TRAPPC9: variants seen among roughly 807,000 people sequenced by gnomAD.
TRAPPC9 encodes the protein IKK2 binding protein.
In TRAPPC9, 83 loss-of-function variants were observed where a neutral mutation model predicts 124.0. The observed-to-expected ratio is 0.67, with a 90% CI of 0.56 to 0.80. TRAPPC9 has a LOEUF of 0.80. TRAPPC9 is among the 30% of genes least tolerant of loss of function. The pLI is 0.00. For synonymous variants in TRAPPC9, 638 were observed against 617.5 expected (o/e 1.03, Z -0.49); for missense variants, 1,302 against 1,508.3 (o/e 0.86, Z 2.27).
intron 8 of TRAPPC9, among the ~76,000 whole-genome samples, chr8:140,367,616 G>T (rs1335471365): frequency 6.6e-6 from 1 of 152,128 alleles, no homozygotes; most frequent in Non-Finnish European, 1.5e-5. Flanking sequence ...GATCTTCACG[G>T]CAGGGAAACT....
intron 19 of TRAPPC9, among the ~76,000 whole-genome samples, chr8:139,955,865 G>A (rs188530982): frequency 1.3e-5 from 2 of 152,286 alleles, no homozygotes; most frequent in Admixed American, 6.5e-5. Context: ...GCTCTGCAGC[G>A]CTTCTGTGAT....
intron 7 of TRAPPC9, among the ~76,000 whole-genome samples, chr8:140,394,309 T>A (rs1388860053): frequency 6.6e-6 from 1 of 152,200 alleles, no homozygotes; most frequent in African/African-American, 2.4e-5. Flanking sequence ...CACCCTCCAC[T>A]GTCACAAAAG....
intron 15 of TRAPPC9, among the ~76,000 whole-genome samples, chr8:140,265,017 G>C (rs566237362): frequency 6.6e-6 from 1 of 152,146 alleles, no homozygotes; most frequent in African/African-American, 2.4e-5. Flanking sequence ...CCGTGTTCTC[G>C]TCATCACGCC....
intron 19 of TRAPPC9, 124 bp downstream of exon 19, chr8:139,988,602 C>T (rs981656406): frequency 4.2e-6 from 3 of 713,078 alleles, no homozygotes; most frequent in African/African-American, 1.7e-5. Flanking sequence ...TACGGTATCT[C>T]TGAAAGGGAG....
At chr8:139,774,503 A>C (rs1481630003) in intron 21 of TRAPPC9, among the ~76,000 whole-genome samples, 1 of 152,048 alleles carries the variant, frequency 6.6e-6, no homozygotes, top group African/African-American at 2.4e-5. Context: ...TTCACTGTCC[A>C]CTCACAAGCA....
At chr8:140,179,017 G>A (rs2062138393) in intron 17 of TRAPPC9, among the ~76,000 whole-genome samples, 1 of 152,026 alleles carries the variant, frequency 6.6e-6, no homozygotes, top group Admixed American at 6.6e-5. Flanking sequence ...CTGGCTAGAG[G>A]TGCATGCATT....
chr8:140,406,152 T>C (rs754411366), intron 5 of TRAPPC9, among the ~76,000 whole-genome samples: 1 of 152,158 alleles, frequency 6.6e-6, no homozygotes, highest in African/African-American at 2.4e-5. Flanking sequence ...ATGCTTTCTA[T>C]GCCTTTTTCT....
chr8:140,022,816 A>G (rs894400176), intron 18 of TRAPPC9, among the ~76,000 whole-genome samples: 16 of 152,236 alleles, frequency 1.1e-4, no homozygotes, highest in Admixed American at 8.5e-4. Flanking sequence ...AAGGTGACAG[A>G]TGATGAAATG....
At chr8:140,388,809 T>C (rs546186657) in intron 7 of TRAPPC9, among the ~76,000 whole-genome samples, 8 of 142,538 alleles carry the variant, frequency 5.6e-5, no homozygotes, top group Non-Finnish European at 9.0e-5. Flanking sequence ...GATGGCGCCA[T>C]TGCACACTCC....
At chr8:140,026,134 A>G (rs1375671355) in intron 17 of TRAPPC9, among the ~76,000 whole-genome samples, 2 of 152,218 alleles carry the variant, frequency 1.3e-5, no homozygotes, top group Non-Finnish European at 2.9e-5. Flanking sequence ...GATTTCACTC[A>G]GCATCATGTC....
chr8:140,407,819 A>C (rs1283048515), intron 5 of TRAPPC9, among the ~76,000 whole-genome samples: 13 of 152,140 alleles, frequency 8.5e-5, no homozygotes. Flanking sequence ...ATGGGGTTTC[A>C]CCATGTTAGC....
intron 11 of TRAPPC9, among the ~76,000 whole-genome samples, chr8:140,298,276 C>A (rs577161768): frequency 6.6e-6 from 1 of 152,236 alleles, no homozygotes; most frequent in South Asian, 2.1e-4. Context: ...GGATAATTTA[C>A]AAATTGTTAA....
At chr8:139,995,175 G>C (rs2131745210) in intron 18 of TRAPPC9, among the ~76,000 whole-genome samples, 1 of 152,280 alleles carries the variant, frequency 6.6e-6, no homozygotes, top group African/African-American at 2.4e-5. Context: ...GCAGTGAGCT[G>C]CATCTCTCTC....
intron 17 of TRAPPC9, among the ~76,000 whole-genome samples, chr8:140,117,266 A>C (rs1459141189): frequency 6.6e-6 from 1 of 152,206 alleles, no homozygotes; most frequent in Non-Finnish European, 1.5e-5. Flanking sequence ...TGCTCACCAC[A>C]CAGTAGTCAT....
In TRAPPC9 at chr8:140,104,288, T is replaced by C. The variant is rs1443639302; in HGVS notation, c.2557-80209A>G. 6.6e-6 allele frequency among the ~76,000 whole-genome samples: 1 copy of C among 151,836 alleles called. No individual in the cohort carries two copies. Among genetic ancestry groups the C allele is most frequent in the Non-Finnish European group, 1.5e-5 (1 of 67,976 alleles). On this transcript the variant is annotated intron_variant, in intron 17 of 22. Coordinates refer to ENST00000438773, the MANE Select transcript of TRAPPC9 (RefSeq NM_001160372.4). This position sits in a 1 kb window ranked among gnomAD's most constrained non-coding sequence, Gnocchi z 4.0. Reference sequence around the variant, plus strand: ...ACAGCCTGAACGGAACCAGGAGGGCTCCCCGCTCTGCAATGGGTCTTGAAG... The same window carrying C: ...ACAGCCTGAACGGAACCAGGAGGGCCCCCCGCTCTGCAATGGGTCTTGAAG...
intron 17 of TRAPPC9, among the ~76,000 whole-genome samples, chr8:140,049,550 C>CCA (rs1554614836): frequency 1.3e-5 from 2 of 151,828 alleles, no homozygotes; most frequent in African/African-American, 4.8e-5. Flanking sequence ...AGGGCTCCCC[C>CCA]CCCCGAGACC....
intron 16 of TRAPPC9, among the ~76,000 whole-genome samples, chr8:140,250,732 C>T (rs1031010920): frequency 6.6e-6 from 1 of 152,154 alleles, no homozygotes; most frequent in African/African-American, 2.4e-5. Context: ...CTTTCTGCCA[C>T]ATACTATGTA....
intron 17 of TRAPPC9, among the ~76,000 whole-genome samples, chr8:140,038,963 T>C (rs1587561808): frequency 1.3e-5 from 2 of 152,180 alleles, no homozygotes; most frequent in Admixed American, 6.5e-5. Flanking sequence ...CACAGGGAGC[T>C]CAGCACAGAG....
chr8:139,805,809 C>T (rs1395665608), intron 21 of TRAPPC9, among the ~76,000 whole-genome samples: 3 of 152,076 alleles, frequency 2.0e-5, no homozygotes, highest in African/African-American at 4.8e-5. Context: ...ATACACAGAA[C>T]GAAGAAGGAG....
Sources: allele counts gnomAD v4.1 joint callset (sites outside exome capture counted in the v4.1 genomes callset), GRCh38; gene constraint gnomAD v4.1.1; non-coding constraint Gnocchi (gnomAD v3.1); transcripts MANE v1.5; gene names NCBI Gene and HGNC (gene_info 2026-07-23, HGNC 2026-07-21).